The following SYT1 variants were observed in gnomAD, a reference collection of about 807,000 sequenced individuals.
SYT1 encodes synaptotagmin 1.
SYT1 carries 8 observed loss-of-function variants against 44.8 expected under a neutral mutation model. The ratio of observed to expected loss-of-function variants is 0.18; its 90% CI spans 0.10 to 0.32. The LOEUF (loss-of-function observed/expected upper bound fraction) is 0.32, where lower values mean the gene tolerates loss of function less well. Ranked by LOEUF, SYT1 falls within the 10% of genes least tolerant of loss-of-function variation. The pLI is 1.00. For missense variants in SYT1, 286 were observed against 509.3 expected (o/e 0.56, Z 4.22); for synonymous variants, 154 against 188.8 (o/e 0.82, Z 1.51).
chr12:78,929,034 A>G (rs1565721896), intron 1 of SYT1, among the ~76,000 whole-genome samples: 1 of 152,142 alleles, frequency 6.6e-6, no homozygotes. Context: ...TAAAAAAAAG[A>G]TGGTAGAAAA....
intron 9 of SYT1, among the ~76,000 whole-genome samples, chr12:79,380,093 A>G (rs536811199): frequency 4.6e-5 from 7 of 152,340 alleles, no homozygotes; most frequent in Non-Finnish European, 1.0e-4. Context: ...TTACTGAAAA[A>G]GATTCCATTT....
chr12:79,017,979 G>A (rs1003899056), intron 2 of SYT1, among the ~76,000 whole-genome samples: 1 of 151,912 alleles, frequency 6.6e-6, no homozygotes, highest in Non-Finnish European at 1.5e-5. Context: ...GGCATGGATG[G>A]CAATGGATAA....
At chr12:79,304,193 C>A (rs1016734342) in intron 8 of SYT1, among the ~76,000 whole-genome samples, 1 of 152,160 alleles carries the variant, frequency 6.6e-6, no homozygotes, top group Non-Finnish European at 1.5e-5. Context: ...AGTGTAATCA[C>A]AGAGGCAAGA....
At chr12:78,931,224 A>G (rs188550960) in intron 1 of SYT1, among the ~76,000 whole-genome samples, 92 of 60,984 alleles carry the variant, frequency 1.5e-3, no homozygotes, top group East Asian at 4.0e-3. Context: ...AGAAAGAAAG[A>G]AAGAAAGAAA....
intron 4 of SYT1, among the ~76,000 whole-genome samples, chr12:79,222,603 G>A (rs900204710): frequency 2.0e-5 from 3 of 151,972 alleles, no homozygotes; most frequent in Middle Eastern, 3.2e-3. Context: ...AGCTGGTCTC[G>A]AACTCCTGAC....
intron 1 of SYT1, among the ~76,000 whole-genome samples, chr12:78,883,457 A>T (rs1275076076): frequency 6.6e-6 from 1 of 151,674 alleles, no homozygotes; most frequent in Admixed American, 6.6e-5. Context: ...CTGATATTAG[A>T]TGTAGTCAAG....
intron 8 of SYT1, among the ~76,000 whole-genome samples, chr12:79,335,631 CAAT>C (rs1405815363): frequency 1.3e-5 from 2 of 152,100 alleles, no homozygotes; most frequent in African/African-American, 4.8e-5. Flanking sequence ...ATTCAATCAA[CAAT>C]AGTTTACCAA....
At chr12:79,441,851 C>T (rs1000557098) in intron 9 of SYT1, among the ~76,000 whole-genome samples, 5 of 152,216 alleles carry the variant, frequency 3.3e-5, no homozygotes, top group Admixed American at 3.3e-4. Flanking sequence ...CATCACCATA[C>T]AGCCAAATGA....
In SYT1 at chr12:79,179,243, G is replaced by GATATAGATATATCT. The variant is rs1565841670; in HGVS notation, c.-17-38249_-17-38248insTCTATATAGATATA. On this transcript the variant is annotated intron_variant, in intron 3 of 10. Coordinates refer to ENST00000261205, the MANE Select transcript of SYT1 (RefSeq NM_005639.3). ...ATATAGATATAGATATAGATATATA[G>GATATAGATATATCT]ATATAGATATAGATATAGATATATA... Among the ~76,000 whole-genome samples the GATATAGATATATCT allele has an allele frequency of 8.3e-5, 5 of 60,580 alleles. 1 individual carries two copies. The African/African-American group carries it at 1.1e-3, about 13-fold the overall frequency. 39.7% of individuals were successfully genotyped at this position (60,580 alleles called of 152,430 possible).
intron 3 of SYT1, among the ~76,000 whole-genome samples, chr12:79,100,333 C>T (rs1228869575): frequency 1.3e-5 from 2 of 152,120 alleles, no homozygotes; most frequent in South Asian, 2.1e-4. Context: ...TCCCAAACCT[C>T]GTCTTAACCA....
rs531126996 is a variant in SYT1, at chr12:79,108,026, C to T, written c.-18+60664C>T. Among the ~76,000 whole-genome samples the T allele has an allele frequency of 2.0e-5, 3 of 151,868 alleles. No homozygotes were observed. The South Asian group carries it at 6.2e-4, about 32-fold the overall frequency. On this transcript the variant is annotated intron_variant, in intron 3 of 10. Coordinates refer to ENST00000261205, the MANE Select transcript of SYT1 (RefSeq NM_005639.3). Reference sequence around the variant, plus strand: ...CAAATTACTAGAATATTGTTAAGAACTTAACATAATCATAAAGTACATTTG... The same window carrying T: ...CAAATTACTAGAATATTGTTAAGAATTTAACATAATCATAAAGTACATTTG...
intron 1 of SYT1, among the ~76,000 whole-genome samples, chr12:78,905,605 C>A (rs1875933086): frequency 6.6e-6 from 1 of 151,932 alleles, no homozygotes; most frequent in East Asian, 1.9e-4. Context: ...CTCCCCTAAC[C>A]TTTTATTACA....
At chr12:79,280,637 A>T (rs1878996611) in intron 4 of SYT1, among the ~76,000 whole-genome samples, 1 of 152,084 alleles carries the variant, frequency 6.6e-6, no homozygotes, top group Admixed American at 6.6e-5. Context: ...CAAATGTAAT[A>T]AAAACAAAAA....
intron 3 of SYT1, among the ~76,000 whole-genome samples, chr12:79,178,572 G>C (rs1218394659): frequency 6.6e-6 from 1 of 151,542 alleles, no homozygotes; most frequent in African/African-American, 2.4e-5. Context: ...AATGATATTT[G>C]GAAACCTGCA....
intron 4 of SYT1, among the ~76,000 whole-genome samples, chr12:79,230,347 A>G (rs1487192162): frequency 6.6e-6 from 1 of 152,072 alleles, no homozygotes; most frequent in Non-Finnish European, 1.5e-5. Context: ...TGATTATTTC[A>G]TTGTGTCTTA....
intron 3 of SYT1, among the ~76,000 whole-genome samples, chr12:79,142,517 G>A (rs1000493224): frequency 1.3e-5 from 2 of 152,186 alleles, no homozygotes; most frequent in Non-Finnish European, 2.9e-5. Context: ...GACCAATCAT[G>A]AGAGCTTAGA....
intron 3 of SYT1, 26 bp from the exon 4 acceptor site, chr12:79,217,477 C>G (rs1218031547): frequency 6.6e-7 from 1 of 1,520,932 alleles, no homozygotes; most frequent in Non-Finnish European, 8.8e-7. Flanking sequence ...TTGAATTGTT[C>G]TGTCTTTGCT....
chr12:79,191,736 A>G (rs73150231), intron 3 of SYT1, among the ~76,000 whole-genome samples: 60 of 152,224 alleles, frequency 3.9e-4, no homozygotes, highest in Non-Finnish European at 6.9e-4. Flanking sequence ...GGACATTGCT[A>G]TGCTTCAGGG....
At chr12:78,970,514 GA>G (rs1365760746) in intron 1 of SYT1, among the ~76,000 whole-genome samples, 4 of 151,906 alleles carry the variant, frequency 2.6e-5, no homozygotes, top group African/African-American at 9.7e-5. Flanking sequence ...GCAATACACA[GA>G]AAAAAAATAA....
Sources: allele counts gnomAD v4.1 joint callset (sites outside exome capture counted in the v4.1 genomes callset), GRCh38; gene constraint gnomAD v4.1.1; transcripts MANE v1.5; gene names NCBI Gene and HGNC (gene_info 2026-07-23, HGNC 2026-07-21).